The following CHODL variants were observed in gnomAD, a reference collection of about 807,000 sequenced individuals.
CHODL encodes chondrolectin.
In CHODL, 29 loss-of-function variants were observed where a neutral mutation model predicts 34.5. That is an observed-to-expected ratio of 0.84 (90% CI 0.63 to 1.15). The LOEUF is 1.15. Among genes scored for constraint, CHODL ranks in the 50% most tolerant of loss-of-function variants. The pLI is 0.00. For synonymous variants in CHODL, 125 were observed against 116.1 expected, an observed-to-expected ratio of 1.08 and a Z score of -0.49; for missense variants, 332 against 332.5, an observed-to-expected ratio of 1.00 and a Z score of 0.01.
At chr21:17,980,160 G>GA (rs1460730089) in intron 1 of CHODL, among the ~76,000 whole-genome samples, 1 of 150,260 alleles carries the variant, frequency 6.7e-6, no homozygotes, top group Non-Finnish European at 1.5e-5. Context: ...TTTTGCCTGA[G>GA]AAAAAATGTG....
intron 2 of CHODL, among the ~76,000 whole-genome samples, chr21:18,035,858 A>G (rs917653573): frequency 7.2e-5 from 11 of 151,960 alleles, no homozygotes; most frequent in African/African-American, 2.7e-4. Context: ...TATATGAATT[A>G]TGGTGTGTAT....
chr21:18,058,896 CT>C (rs1408337464), intron 2 of CHODL, among the ~76,000 whole-genome samples: 4 of 152,032 alleles, frequency 2.6e-5, no homozygotes, highest in African/African-American at 9.7e-5. Flanking sequence ...TCTTTTTCCC[CT>C]TGTTTTGTAC....
chr21:18,038,536 G>A (rs1252189072), intron 2 of CHODL, among the ~76,000 whole-genome samples: 1 of 151,370 alleles, frequency 6.6e-6, no homozygotes, highest in Non-Finnish European at 1.5e-5. Flanking sequence ...TTATTTTTTT[G>A]CTTTCACTGT....
At chr21:17,984,127 T>C (rs2063735421) in intron 1 of CHODL, among the ~76,000 whole-genome samples, 1 of 152,208 alleles carries the variant, frequency 6.6e-6, no homozygotes, top group Non-Finnish European at 1.5e-5. Context: ...CTATTTTAGA[T>C]ACCCGATGTA....
chr21:18,155,900 A>C (rs2146634809), intron 2 of CHODL, among the ~76,000 whole-genome samples: 1 of 152,332 alleles, frequency 6.6e-6, no homozygotes, highest in Middle Eastern at 3.4e-3. Context: ...ATAGCTTTAA[A>C]GTCTCAGGGT....
intron 2 of CHODL, among the ~76,000 whole-genome samples, chr21:18,181,714 C>T (rs2073385072): frequency 6.6e-6 from 1 of 152,180 alleles, no homozygotes; most frequent in South Asian, 2.1e-4. Context: ...ATTCTCCCTC[C>T]TCCTAGGCAA....
intron 1 of CHODL, among the ~76,000 whole-genome samples, chr21:18,005,537 G>A (rs1051095247): frequency 8.2e-4 from 125 of 152,172 alleles, no homozygotes; most frequent in African/African-American, 2.8e-3. Context: ...GATCTAAAAA[G>A]GTTTGTGTTA....
rs370814272 is a variant in CHODL at position 17,941,960 on chromosome 21, G to A, written c.-145+24560G>A. 4.6e-5 allele frequency among the ~76,000 whole-genome samples: 7 copies of A among 152,264 alleles called. No individual in the cohort carries two copies. In the East Asian group the frequency reaches 1.2e-3, roughly 25 times the overall value. On this transcript the variant is annotated intron_variant, in intron 1 of 6. Coordinates refer to the CHODL transcript ENST00000400127. ...TTGTAATGGCACTAAACCCATTCAT[G>A]ACGCCTTCACTCTTATGACCTTATC... is the stretch of plus-strand genomic sequence containing the variant.
At chr21:18,072,136 C>T (rs1448487246) in intron 2 of CHODL, among the ~76,000 whole-genome samples, 1 of 151,780 alleles carries the variant, frequency 6.6e-6, no homozygotes, top group Non-Finnish European at 1.5e-5. Context: ...AATTCTAAAA[C>T]TATTAATAGT....
chr21:18,173,985 A>T (rs1022905193), intron 2 of CHODL, among the ~76,000 whole-genome samples: 1 of 150,840 alleles, frequency 6.6e-6, no homozygotes, highest in Non-Finnish European at 1.5e-5. Flanking sequence ...TTTAAAAACG[A>T]GTTTCTAAAA....
At chr21:17,984,556 A>G (rs573236019) in intron 1 of CHODL, among the ~76,000 whole-genome samples, 1 of 150,084 alleles carries the variant, frequency 6.7e-6, no homozygotes, top group Middle Eastern at 3.4e-3. Context: ...TTTGTACATG[A>G]CTTTTTTTAA....
At chr21:18,054,236 G>GAAAACTT (rs2064552025) in intron 2 of CHODL, among the ~76,000 whole-genome samples, 1 of 151,908 alleles carries the variant, frequency 6.6e-6, no homozygotes, top group Non-Finnish European at 1.5e-5. Flanking sequence ...CACAGAGGCA[G>GAAAACTT]AAAACTTAAC....
At chr21:18,126,165 C>T (rs2065541285) in intron 2 of CHODL, among the ~76,000 whole-genome samples, 1 of 152,134 alleles carries the variant, frequency 6.6e-6, no homozygotes, top group Admixed American at 6.6e-5. Flanking sequence ...AAAAAATTGC[C>T]ACAGCTATTC....
rs555398353 is a variant in CHODL, at chr21:17,933,694, C to T, written c.-145+16294C>T. On this transcript the variant is annotated intron_variant, in intron 1 of 6. Coordinates refer to the CHODL transcript ENST00000400127. Reference sequence around the variant, plus strand: ...CTCTTTCTTTTCCCCACAAATACTACATGTTCTCACTTATAAGTGGGAGCT... The same window carrying T: ...CTCTTTCTTTTCCCCACAAATACTATATGTTCTCACTTATAAGTGGGAGCT... Among the ~76,000 whole-genome samples the T allele has an allele frequency of 2.6e-5, 4 of 152,248 alleles. No individual in the cohort carries two copies. The East Asian group carries it at 7.7e-4, about 29-fold the overall frequency.
At chr21:17,984,420 A>G (rs1174409213) in intron 1 of CHODL, among the ~76,000 whole-genome samples, 3 of 152,160 alleles carry the variant, frequency 2.0e-5, no homozygotes, top group Non-Finnish European at 4.4e-5. Flanking sequence ...TGGCAGTTCT[A>G]CTTCTAATTT....
chr21:18,097,914 C>T (rs1050191754), intron 2 of CHODL, among the ~76,000 whole-genome samples: 2 of 152,030 alleles, frequency 1.3e-5, no homozygotes, highest in South Asian at 2.1e-4. Flanking sequence ...TACAAATTCA[C>T]ACACCTGCAG....
At chr21:18,190,380 T>C (rs1401872913) in intron 2 of CHODL, among the ~76,000 whole-genome samples, 1 of 152,238 alleles carries the variant, frequency 6.6e-6, no homozygotes, top group Non-Finnish European at 1.5e-5. Flanking sequence ...TATTCCATCA[T>C]GCTCTGTTTG....
At chr21:18,179,618 T>C (rs1220083616) in intron 2 of CHODL, among the ~76,000 whole-genome samples, 3 of 152,206 alleles carry the variant, frequency 2.0e-5, no homozygotes, top group Non-Finnish European at 4.4e-5. Flanking sequence ...CTGTTCTTGT[T>C]GGTATGTAGG....
intron 1 of CHODL, among the ~76,000 whole-genome samples, chr21:17,956,881 A>G (rs1654595697): frequency 6.7e-6 from 1 of 148,392 alleles, no homozygotes; most frequent in African/African-American, 2.4e-5. Context: ...TGACTGGGCC[A>G]CTAGATATTC....
Sources: gnomAD v4.1 joint callset for allele counts (sites outside exome capture counted in the v4.1 genomes callset) on GRCh38, gnomAD v4.1.1 for gene constraint, MANE v1.5 for transcripts, NCBI Gene and HGNC (gene_info 2026-07-23, HGNC 2026-07-21) for gene names.